LARGE1: variants seen among roughly 807,000 people sequenced by gnomAD.
The protein encoded by LARGE1 is xylosyl- and glucuronyltransferase LARGE1.
A neutral mutation model predicts 87.6 loss-of-function variants in LARGE1; 43 were observed. That is an observed-to-expected ratio of 0.49 (90% CI 0.38 to 0.63). The LOEUF is 0.63. Ranked by LOEUF, LARGE1 falls within the 30% of genes least tolerant of loss-of-function variation. LARGE1 has a pLI of 0.00. For synonymous variants in LARGE1, 434 were observed against 394.6 expected (o/e 1.10, Z -1.18); for missense variants, 802 against 1,000.2 (o/e 0.80, Z 2.67).
At chr22:33,184,951 T>G (rs1923397780) in intron 11 of LARGE1, among the ~76,000 whole-genome samples, 1 of 152,160 alleles carries the variant, frequency 6.6e-6, no homozygotes, top group African/African-American at 2.4e-5. Context: ...TATTACTCAT[T>G]GCTTCTGGGA....
chr22:33,590,593 A>T (rs2078808055), intron 5 of LARGE1, among the ~76,000 whole-genome samples: 1 of 152,050 alleles, frequency 6.6e-6, no homozygotes, highest in South Asian at 2.1e-4. Context: ...GCTCCTATTA[A>T]CTCTGTCTTG....
intron 11 of LARGE1, among the ~76,000 whole-genome samples, chr22:33,249,047 G>A (rs998351234): frequency 6.6e-6 from 1 of 152,208 alleles, no homozygotes; most frequent in Non-Finnish European, 1.5e-5. Context: ...GTGGACATAA[G>A]TTTTCAACTC....
the LARGE1 span, among the ~76,000 whole-genome samples, chr22:33,100,193 C>T: frequency 4.0e-4 from 61 of 151,136 alleles, no homozygotes; most frequent in African/African-American, 1.3e-3. Flanking sequence ...CAAAACAAAA[C>T]AAAAATTAGC....
At chr22:33,475,915 T>C (rs1242837823) in intron 6 of LARGE1, among the ~76,000 whole-genome samples, 4 of 152,168 alleles carry the variant, frequency 2.6e-5, no homozygotes. Context: ...GAAAGGAAAA[T>C]AAATCTTGGG....
chr22:33,111,472 C>G, the LARGE1 span, among the ~76,000 whole-genome samples: 3 of 152,194 alleles, frequency 2.0e-5, no homozygotes, highest in Non-Finnish European at 4.4e-5. Context: ...GAAACCCACT[C>G]TGCAGCTGGA....
At chr22:33,335,884 A>G (rs1307304819) in intron 10 of LARGE1, among the ~76,000 whole-genome samples, 3 of 152,228 alleles carry the variant, frequency 2.0e-5, no homozygotes, top group Non-Finnish European at 4.4e-5. Flanking sequence ...GCTATGTAGC[A>G]GTTGCCACTG....
chr22:33,100,306 C>T, the LARGE1 span, among the ~76,000 whole-genome samples: 424 of 140,986 alleles, frequency 3.0e-3, no homozygotes, highest in African/African-American at 0.01. Flanking sequence ...CGAGATATTG[C>T]GCCACTGCAC....
At chr22:33,889,888 GC>G (rs2146823266) in intron 1 of LARGE1, among the ~76,000 whole-genome samples, 1 of 152,346 alleles carries the variant, frequency 6.6e-6, no homozygotes, top group African/African-American at 2.4e-5. Context: ...AACGGAAATG[GC>G]CCCCGCCCTT....
At chr22:33,189,625 A>G (rs954185335) in intron 11 of LARGE1, among the ~76,000 whole-genome samples, 20 of 152,182 alleles carry the variant, frequency 1.3e-4, no homozygotes, top group African/African-American at 4.8e-4. Flanking sequence ...AGTGGTTCCA[A>G]TAATGAAGAC....
At chr22:33,749,806 A>G (rs1436483242) in intron 2 of LARGE1, among the ~76,000 whole-genome samples, 2 of 152,164 alleles carry the variant, frequency 1.3e-5, no homozygotes. Flanking sequence ...CACTTGTCTC[A>G]GGGTTTGTCT....
At chr22:33,398,483 C>T (rs572364947) in intron 7 of LARGE1, among the ~76,000 whole-genome samples, 1 of 152,310 alleles carries the variant, frequency 6.6e-6, no homozygotes, top group East Asian at 1.9e-4. Context: ...TTTAGACTCA[C>T]TTGCCGAACT....
At chr22:33,201,590 G>A (rs1319654735) in intron 11 of LARGE1, among the ~76,000 whole-genome samples, 2 of 152,110 alleles carry the variant, frequency 1.3e-5, no homozygotes, top group African/African-American at 4.8e-5. Context: ...TATGGGAGAC[G>A]GTCTGGTCAT....
At position 33,698,462 on chromosome 22, in the gene LARGE1, G is replaced by A. The variant is rs558773175; in HGVS notation, c.107-47794C>T. On this transcript the variant is annotated intron_variant, in intron 2 of 14. Coordinates refer to ENST00000397394, the MANE Select transcript of LARGE1 (RefSeq NM_133642.5). ...AGTACAGGGGCACACCACCACGCTCGGCTAATTTTTGTATTCTTTTTGCTT... is the reference window on the plus strand; with the variant it reads ...AGTACAGGGGCACACCACCACGCTCAGCTAATTTTTGTATTCTTTTTGCTT... Among the ~76,000 whole-genome samples the A allele has an allele frequency of 1.7e-4, 25 of 150,972 alleles. 2 individuals are homozygous for A. Among genetic ancestry groups the A allele is most frequent in the African/African-American group, 3.4e-4 (14 of 40,988 alleles).
intron 1 of LARGE1, among the ~76,000 whole-genome samples, chr22:33,789,590 G>A (rs2145972479): frequency 6.6e-6 from 1 of 152,270 alleles, no homozygotes; most frequent in Non-Finnish European, 1.5e-5. Context: ...GCCAGGATGG[G>A]GGCTGTACCC....
At chr22:33,644,433 T>C (rs578053723) in intron 3 of LARGE1, among the ~76,000 whole-genome samples, 1 of 152,204 alleles carries the variant, frequency 6.6e-6, no homozygotes, top group East Asian at 1.9e-4. Context: ...GAGCTATTTA[T>C]GACAAACCCA....
At chr22:33,829,658 G>A (rs2146321501) in intron 1 of LARGE1, among the ~76,000 whole-genome samples, 1 of 152,218 alleles carries the variant, frequency 6.6e-6, no homozygotes, top group Non-Finnish European at 1.5e-5. Context: ...AAGGCATGGG[G>A]ACTACTAAAA....
At chr22:33,131,847 C>T in the LARGE1 span, among the ~76,000 whole-genome samples, 2 of 151,340 alleles carry the variant, frequency 1.3e-5, no homozygotes, top group East Asian at 4.0e-4. Context: ...ATACCTGAGA[C>T]TAGGCAATTT....
the LARGE1 span, among the ~76,000 whole-genome samples, chr22:33,120,822 C>T: frequency 6.6e-6 from 1 of 152,084 alleles, no homozygotes; most frequent in East Asian, 1.9e-4. Context: ...CAACCACAGC[C>T]TGCCTTTCTT....
chr22:33,676,126 A>G (rs2081569807), intron 2 of LARGE1, among the ~76,000 whole-genome samples: 1 of 152,046 alleles, frequency 6.6e-6, no homozygotes. Flanking sequence ...ATATTTTTGC[A>G]CAAAACATCA....
Sources: gnomAD v4.1 joint callset for allele counts (sites outside exome capture counted in the v4.1 genomes callset) on GRCh38, gnomAD v4.1.1 for gene constraint, MANE v1.5 for transcripts, NCBI Gene and HGNC (gene_info 2026-07-23, HGNC 2026-07-21) for gene names.